Variants in ZNF728 observed in about 807,000 individuals in gnomAD.
ZNF728 encodes zinc finger protein 728.
ZNF728 carries 12 observed loss-of-function variants against 12.5 expected under a neutral mutation model. That is an observed-to-expected ratio of 0.96 (90% CI 0.61 to 1.55). The LOEUF (loss-of-function observed/expected upper bound fraction) is 1.55. Ranked by LOEUF, ZNF728 falls within the 40% of genes most tolerant of loss-of-function variation. ZNF728 has a pLI of 0.00. For missense variants in ZNF728, 692 were observed against 719.2 expected (o/e 0.96, Z 0.43); for synonymous variants, 205 against 240.7 (o/e 0.85, Z 1.37).
chr19:22,984,609 CACACACAT>C (rs1339498278), intron 3 of ZNF728, among the ~76,000 whole-genome samples: 4 of 145,684 alleles, frequency 2.7e-5, no homozygotes, highest in African/African-American at 8.1e-5. Flanking sequence ...CACACACACA[CACACACAT>C]ATACACACAC....
chr19:22,997,672 G>A (rs1969063019), intron 1 of ZNF728, among the ~76,000 whole-genome samples: 1 of 151,096 alleles, frequency 6.6e-6, no homozygotes, highest in African/African-American at 2.4e-5. Flanking sequence ...TGAACTGAAG[G>A]AGATTTAGAC....
At chr19:22,986,771 T>C (rs1030238616) in intron 3 of ZNF728, among the ~76,000 whole-genome samples, 9 of 151,884 alleles carry the variant, frequency 5.9e-5, no homozygotes, top group African/African-American at 2.2e-4. Flanking sequence ...CAAGAAACTG[T>C]GAATAGCCAA....
At position 22,976,595 on chromosome 19, in the gene ZNF728, C is replaced by T. The variant is rs144080172; in HGVS notation, c.742G>A (p.Val248Ile). 8.2e-3 allele frequency: 13,122 copies of T among 1,608,760 alleles called. 106 individuals are homozygous for T. Among genetic ancestry groups the T allele is most frequent in the South Asian group, 0.019 (1,682 of 90,910 alleles). ...TAATGTTTCTCTCCAGTATGAATTA[C>T]CTTATGCTTAGTAAGGATTGAGAAC... ...SKFSILTKHK[V>I]IHTGEKHYKC... is the part of the protein sequence containing the mutation. Residue 248 changes from valine (V) to isoleucine (I), a missense_variant, in exon 4 of 4, where the codon GTA (valine) becomes ATA (isoleucine). Val to Ile is a conservative substitution (Grantham distance 29). Transcript: ENST00000594710.
At chr19:22,991,804 G>A (rs994366687) in intron 1 of ZNF728, among the ~76,000 whole-genome samples, 1 of 152,170 alleles carries the variant, frequency 6.6e-6, no homozygotes, top group Non-Finnish European at 1.5e-5. Flanking sequence ...CTGGGGCAGA[G>A]CGTACAGCCA....
chr19:22,994,322 G>A (rs1367698849), intron 1 of ZNF728, among the ~76,000 whole-genome samples: 1 of 152,172 alleles, frequency 6.6e-6, no homozygotes, highest in Non-Finnish European at 1.5e-5. Context: ...CCCATCTAGA[G>A]TAAAGCTTAG....
At chr19:22,996,792 T>C (rs1204848166) in intron 1 of ZNF728, among the ~76,000 whole-genome samples, 3 of 152,148 alleles carry the variant, frequency 2.0e-5, no homozygotes, top group African/African-American at 7.2e-5. Context: ...TTTTAAAAAA[T>C]TAACAAGTTA....
At chr19:22,988,277 T>A in intron 2 of ZNF728, 48 bp downstream of exon 2, 1 of 1,612,422 alleles carries the variant, frequency 6.2e-7, no homozygotes, top group Non-Finnish European at 8.5e-7. Context: ...CACAGCAAAA[T>A]GAAACCTATA....
chr19:22,987,568 G>A (rs1417119259), intron 2 of ZNF728, among the ~76,000 whole-genome samples, 165 bp from the exon 3 acceptor site: 1 of 151,644 alleles, frequency 6.6e-6, no homozygotes, highest in East Asian at 1.9e-4. Flanking sequence ...CTCTAATTTT[G>A]TAAGTTCTTA....
chr19:22,997,004 T>A (rs945742489), intron 1 of ZNF728, among the ~76,000 whole-genome samples: 1 of 152,094 alleles, frequency 6.6e-6, no homozygotes, highest in African/African-American at 2.4e-5. Context: ...TTCACATGAA[T>A]AAAGCAAGTT....
At chr19:23,002,771 G>C (rs1437006949) in intron 1 of ZNF728, among the ~76,000 whole-genome samples, 2 of 152,190 alleles carry the variant, frequency 1.3e-5, no homozygotes, top group Admixed American at 6.5e-5. Context: ...CGCGCTGCGG[G>C]TGCAGAGCGG....
At chr19:22,992,953 C>G (rs1434012939) in intron 1 of ZNF728, among the ~76,000 whole-genome samples, 1 of 152,160 alleles carries the variant, frequency 6.6e-6, no homozygotes, top group African/African-American at 2.4e-5. Flanking sequence ...ACTCCCAAAC[C>G]TGGGTCATCC....
In ZNF728 at chr19:22,977,072, G is replaced by A; in HGVS notation, c.265C>T (p.Gln89Ter). ...TTTTGGAAAGAATCTTCTCTGCCCT[G>A]CTCTGGCCAAAGGTCTTGAGCAAAA... Reference protein sequence around the residue: ...SHFAQDLWPEQGREDSFQKVI... With the variant: ...SHFAQDLWPE The change falls in exon 4 of 4, where the codon CAG becomes TAG. Residue 89 changes from glutamine to a stop codon, truncating the protein, a stop_gained. Transcript: ENST00000594710. LOFTEE classifies it low-confidence loss of function (END_TRUNC). 1 of 1,604,708 alleles carries A rather than the reference G, an allele frequency of 6.2e-7. No individual in the cohort carries two copies. The highest frequency in any genetic ancestry group is 8.5e-7 in the Non-Finnish European group (1 of 1,176,648).
chr19:22,989,452 T>C (rs1968959370), intron 1 of ZNF728, among the ~76,000 whole-genome samples: 1 of 152,180 alleles, frequency 6.6e-6, no homozygotes, highest in Non-Finnish European at 1.5e-5. Flanking sequence ...CCAGATTAAA[T>C]GTGTTGGTTT....
chr19:23,000,987 T>C (rs1969108128), intron 1 of ZNF728, among the ~76,000 whole-genome samples: 2 of 151,478 alleles, frequency 1.3e-5, no homozygotes, highest in South Asian at 4.2e-4. Flanking sequence ...GGCCATCCAA[T>C]TACTTGAGAG....
intron 3 of ZNF728, among the ~76,000 whole-genome samples, chr19:22,980,198 G>GAAAAAAAAAAAAAA (rs1568274736): frequency 2.1e-5 from 2 of 94,346 alleles, no homozygotes; most frequent in Non-Finnish European, 2.1e-5. Context: ...AAAAAAAAAA[G>GAAAAAAAAAAAAAA]AAACAAAAAA....
At chr19:22,988,301 A>T (rs546208759) in intron 2 of ZNF728, 24 bp downstream of exon 2, 8 of 1,614,028 alleles carry the variant, frequency 5.0e-6, no homozygotes, top group Non-Finnish European at 6.8e-6. Context: ...TATACTAGGA[A>T]TTGCGTATTA....
chr19:22,997,060 A>G (rs1969058039), intron 1 of ZNF728, among the ~76,000 whole-genome samples: 1 of 152,204 alleles, frequency 6.6e-6, no homozygotes. Flanking sequence ...AGTAATAATC[A>G]GAGACTACAT....
intron 1 of ZNF728, among the ~76,000 whole-genome samples, chr19:22,993,863 T>G (rs115755899): frequency 0.012 from 1,875 of 152,314 alleles, 45 homozygotes; most frequent in African/African-American, 0.043. Context: ...CTGAGTCTGA[T>G]AACTAAAAGG....
rs145386549 is a variant in ZNF728 at position 22,977,318 on chromosome 19, GTGTC to G, written c.227-212_227-209del. Among the ~76,000 whole-genome samples the G allele has an allele frequency of 8.1e-3, 1,234 of 152,236 alleles. 17 individuals are homozygous for G. Among genetic ancestry groups the G allele is most frequent in the African/African-American group, 0.028 (1,183 of 41,538 alleles). On this transcript the variant is annotated intron_variant, in intron 3 of 3. Coordinates refer to ENST00000594710, the MANE Select transcript of ZNF728 (RefSeq NM_001267716.2). ...TTTATACATGAGTTAAGTGTGTACA[GTGTC>G]TGAATTAAGCCCAATGCAAAGAGCC...
Sources: gnomAD v4.1 joint callset for allele counts (sites outside exome capture counted in the v4.1 genomes callset) on GRCh38, gnomAD v4.1.1 for gene constraint, MANE v1.5 for transcripts, NCBI Gene and HGNC (gene_info 2026-07-23, HGNC 2026-07-21) for gene names.